Variants in DZIP3 observed in about 807,000 individuals in gnomAD.
DZIP3 encodes E3 ubiquitin-protein ligase DZIP3.
A neutral mutation model predicts 162.0 loss-of-function variants in DZIP3; 118 were observed. The observed-to-expected ratio is 0.73, with a 90% CI of 0.63 to 0.85. The LOEUF is 0.85. Ranked by LOEUF, DZIP3 falls within the 40% of genes least tolerant of loss-of-function variation. DZIP3 has a pLI of 0.00. For missense variants in DZIP3, 1,331 were observed against 1,407.0 expected (o/e 0.95, Z 0.86); for synonymous variants, 438 against 458.6 (o/e 0.96, Z 0.57).
chr3:108,689,786 G>A, intron 31 of DZIP3, among the ~76,000 whole-genome samples: 1 of 152,130 alleles, frequency 6.6e-6, no homozygotes. Context: ...AGTTGCTATT[G>A]GTATATAATT....
chr3:108,616,302 A>AAATAAATAAAT (rs1941007569), intron 4 of DZIP3, among the ~76,000 whole-genome samples: 1 of 147,752 alleles, frequency 6.8e-6, no homozygotes, highest in African/African-American at 2.5e-5. Flanking sequence ...ATAAATAAAT[A>AAATAAATAAAT]AATAAAATAA....
Position 108,611,281 on chromosome 3 carries a change from T to C in DZIP3, c.210T>C (p.Pro70=). 6.2e-7 allele frequency: 1 copy of C among 1,612,446 alleles called. No homozygotes were observed. ...AINTLPKGVV[P]HIKKFLQEDF... is the part of the protein sequence containing the mutation. ...ATACTCTACCAAAAGGTGTGGTTCC[T>C]CACATTAAGAAGTTCTTACAAGAAG... is the stretch of plus-strand genomic sequence containing the variant. The change falls in exon 4 of 33, where the codon CCT becomes CCC. Residue 70 remains proline (P), a synonymous_variant. Coordinates refer to ENST00000361582, the MANE Select transcript of DZIP3 (RefSeq NM_014648.4).
chr3:108,596,166 C>T (rs1939702379), intron 1 of DZIP3, among the ~76,000 whole-genome samples: 1 of 152,174 alleles, frequency 6.6e-6, no homozygotes, highest in South Asian at 2.1e-4. Flanking sequence ...GTGGTTGAGA[C>T]CATGAGCGTT....
Position 108,624,450 on chromosome 3 carries a change from C to T in DZIP3, c.382C>T (p.Gln128Ter). ...CATATTTTTTTCTTTGTAGGCACAC[C>T]AGATTAATATTGGTTATTATTTGAC... ...NIQAGNYTAHQINIGYYLTLL... is the reference protein window; with the variant it reads ...NIQAGNYTAH Residue 128 changes from glutamine (Q) to a stop codon, truncating the protein, a stop_gained, in exon 6 of 33, where the codon CAG (glutamine) becomes TAG (stop). Transcript: ENST00000361582. LOFTEE classifies it high-confidence loss of function. 1 of 1,585,012 alleles carries T rather than the reference C, an allele frequency of 6.3e-7. No homozygotes were observed. Among genetic ancestry groups the T allele is most frequent in the Non-Finnish European group, 8.6e-7 (1 of 1,159,128 alleles).
chr3:108,618,006 G>C (rs1414953796), intron 5 of DZIP3, among the ~76,000 whole-genome samples: 1 of 152,230 alleles, frequency 6.6e-6, no homozygotes, highest in Admixed American at 6.5e-5. Flanking sequence ...GTCTATTGCT[G>C]TATCTAAATT....
rs1353710519 is a variant in DZIP3, at chr3:108,662,274, T to C, written c.2423+17T>C. The stretch of plus-strand genomic sequence containing the variant: ...GGTTTCCAAGTAAGTGTAAATCTTT[T>C]GATAAAGGGAAATTCTGCGCCGTAA... On this transcript the variant is annotated intron_variant, in intron 21 of 32. Coordinates refer to ENST00000361582, the MANE Select transcript of DZIP3 (RefSeq NM_014648.4). 6.4e-7 allele frequency: 1 copy of C among 1,573,864 alleles called. No homozygotes were observed. Among genetic ancestry groups the C allele is most frequent in the Admixed American group, 2.1e-5 (1 of 48,388 alleles).
intron 1 of DZIP3, among the ~76,000 whole-genome samples, chr3:108,594,612 A>G (rs887701002): frequency 6.6e-6 from 1 of 151,792 alleles, no homozygotes; most frequent in Non-Finnish European, 1.5e-5. Flanking sequence ...GCCCTCCGAT[A>G]GTGCCCAATG....
chr3:108,591,252 T>G (rs1056460120), intron 1 of DZIP3, among the ~76,000 whole-genome samples: 1 of 151,364 alleles, frequency 6.6e-6, no homozygotes, highest in African/African-American at 2.4e-5. Context: ...AGGAGAGGAG[T>G]AGAGATGAGG....
chr3:108,615,257 C>T (rs1032697036), intron 4 of DZIP3, among the ~76,000 whole-genome samples: 12 of 152,182 alleles, frequency 7.9e-5, no homozygotes, highest in East Asian at 3.9e-4. Flanking sequence ...TATCTTGTCC[C>T]GTTGTTTTAG....
In DZIP3 at chr3:108,644,319, G is replaced by A. The variant is rs772158936; in HGVS notation, c.1297G>A (p.Glu433Lys). 1.1e-5 allele frequency: 17 copies of A among 1,613,910 alleles called. No homozygotes were observed. The highest frequency in any genetic ancestry group is 8.9e-5 in the East Asian group (4 of 44,880). ...GCTTCTTATACACAAGAATGTGCTG[G>A]AATCCTACTACAACCATCTTTGGAC... is the stretch of plus-strand genomic sequence containing the variant. Reference protein sequence around the residue: ...KELLIHKNVLESYYNHLWTNH... With the variant: ...KELLIHKNVLKSYYNHLWTNH... The change falls in exon 14 of 33, where the codon GAA becomes AAA. Residue 433 changes from glutamate to lysine, a missense_variant. By Grantham distance (56) the Glu-to-Lys change is moderately conservative. This residue lies in a region of DZIP3 where 1,278 missense variants were observed against 1,317.1 expected (regional missense o/e 0.97). Transcript: ENST00000361582.
intron 19 of DZIP3, among the ~76,000 whole-genome samples, chr3:108,655,832 G>A (rs1432597937): frequency 2.3e-4 from 35 of 152,154 alleles, no homozygotes; most frequent in Non-Finnish European, 7.4e-5. Context: ...TCAGCAAACG[G>A]CACACCAGGA....
At chr3:108,602,954 G>A (rs1266489044) in intron 1 of DZIP3, 2 of 152,178 alleles carry the variant, frequency 1.3e-5, no homozygotes, top group African/African-American at 2.4e-5. Context: ...TCTTAACTCT[G>A]TTAATTCGGG....
chr3:108,629,303 G>T, intron 8 of DZIP3, 127 bp downstream of exon 8: 3 of 614,508 alleles, frequency 4.9e-6, no homozygotes, highest in South Asian at 4.4e-5. Flanking sequence ...AACCTTTATT[G>T]CATTACCTAG....
At chr3:108,656,506 T>G (rs1225846579) in intron 19 of DZIP3, among the ~76,000 whole-genome samples, 1 of 151,994 alleles carries the variant, frequency 6.6e-6, no homozygotes, top group African/African-American at 2.4e-5. Context: ...GTCATCATCA[T>G]CAAAGACCAA....
chr3:108,675,452 G>GTAT (rs1944069042), intron 24 of DZIP3, among the ~76,000 whole-genome samples: 1 of 151,958 alleles, frequency 6.6e-6, no homozygotes, highest in East Asian at 1.9e-4. Flanking sequence ...GAACACTGCT[G>GTAT]TATTAGATTA....
chr3:108,638,021 A>G (rs1559747994), intron 12 of DZIP3, among the ~76,000 whole-genome samples: 3 of 152,086 alleles, frequency 2.0e-5, no homozygotes, highest in East Asian at 3.9e-4. Context: ...TTCCCAGTCA[A>G]TTGATTCTCT....
At chr3:108,630,860 A>G (rs907825380) in intron 8 of DZIP3, among the ~76,000 whole-genome samples, 3 of 152,026 alleles carry the variant, frequency 2.0e-5, no homozygotes, top group Non-Finnish European at 4.4e-5. Flanking sequence ...TCTGCTTCCT[A>G]GAGTCATTCT....
In DZIP3 at chr3:108,690,855, A is replaced by G. The variant is rs1944664833; in HGVS notation, c.3585A>G (p.Glu1195=). 6.2e-7 allele frequency: 1 copy of G among 1,613,874 alleles called. No homozygotes were observed. The highest frequency in any genetic ancestry group is 1.3e-5 in the African/African-American group (1 of 74,934). ...GCAGACTCCACGTTTTGCTACCAGA[A>G]GAATTCCCTGGTCACCCCAGCCGGC... is the stretch of plus-strand genomic sequence containing the variant. ...PTCRLHVLLP[E]EFPGHPSRQL... is the part of the protein sequence containing the mutation. The change falls in exon 32 of 33, where the codon GAA becomes GAG. Residue 1195 remains glutamate, a synonymous_variant. Coordinates refer to ENST00000361582, the MANE Select transcript of DZIP3 (RefSeq NM_014648.4).
At chr3:108,643,473 T>C (rs1345390935) in intron 13 of DZIP3, among the ~76,000 whole-genome samples, 2 of 151,882 alleles carry the variant, frequency 1.3e-5, no homozygotes, top group Non-Finnish European at 2.9e-5. Context: ...TCAGTAGGTC[T>C]AGAGTGGGGC....
Sources: gnomAD v4.1 joint callset for allele counts (sites outside exome capture counted in the v4.1 genomes callset) on GRCh38, gnomAD v4.1.1 for gene constraint, gnomAD v4.1.1 regional missense constraint, MANE v1.5 for transcripts, NCBI Gene and HGNC (gene_info 2026-07-23, HGNC 2026-07-21) for gene names.